KRABD5: variants seen among roughly 807,000 people sequenced by gnomAD.
The protein encoded by KRABD5 is KRAB domain containing 5.
the KRABD5 span, among the ~76,000 whole-genome samples, chr16:31,752,851 T>C: frequency 3.3e-5 from 5 of 152,324 alleles, no homozygotes; most frequent in East Asian, 5.8e-4. Flanking sequence ...GTGCAAGACC[T>C]TGTCTATAAG....
At chr16:31,714,670 A>G in the KRABD5 span, among the ~76,000 whole-genome samples, 1 of 152,228 alleles carries the variant, frequency 6.6e-6, no homozygotes, top group Non-Finnish European at 1.5e-5. Flanking sequence ...AGGTCATTGA[A>G]GGCCCAGTTA....
the KRABD5 span, among the ~76,000 whole-genome samples, chr16:31,748,529 A>G: frequency 2.0e-5 from 3 of 152,142 alleles, no homozygotes; most frequent in Non-Finnish European, 2.9e-5. Flanking sequence ...TTTTGCATTG[A>G]GTTAGAACAT....
the KRABD5 span, among the ~76,000 whole-genome samples, chr16:31,718,706 T>C: frequency 3.3e-5 from 5 of 152,200 alleles, no homozygotes; most frequent in Admixed American, 1.3e-4. Context: ...GGATCCAGAA[T>C]CTGTGGCTCC....
At chr16:31,743,697 A>C in the KRABD5 span, among the ~76,000 whole-genome samples, 1 of 152,176 alleles carries the variant, frequency 6.6e-6, no homozygotes, top group African/African-American at 2.4e-5. Flanking sequence ...TATTTAATCT[A>C]TAAATTACTT....
chr16:31,715,916 G>A, the KRABD5 span, among the ~76,000 whole-genome samples: 2 of 152,258 alleles, frequency 1.3e-5, no homozygotes, highest in South Asian at 2.1e-4. Flanking sequence ...GTGATTCCAC[G>A]TCTCCTCCCA....
chr16:31,727,047 A>G, the KRABD5 span, among the ~76,000 whole-genome samples: 1 of 152,222 alleles, frequency 6.6e-6, no homozygotes, highest in Non-Finnish European at 1.5e-5. Flanking sequence ...ATGCTATTAT[A>G]AATTGGATTG....
the KRABD5 span, chr16:31,761,448 C>G: frequency 4.6e-5 from 7 of 152,208 alleles, no homozygotes; most frequent in South Asian, 1.0e-3. Context: ...AGTGGTGAAC[C>G]TATACATTGT....
chr16:31,728,698 G>A, the KRABD5 span, among the ~76,000 whole-genome samples: 1 of 152,024 alleles, frequency 6.6e-6, no homozygotes, highest in Non-Finnish European at 1.5e-5. Context: ...AAGACTTACT[G>A]CTTTTTACTT....
chr16:31,746,964 A>G, the KRABD5 span, among the ~76,000 whole-genome samples: 8 of 149,440 alleles, frequency 5.4e-5, no homozygotes, highest in Middle Eastern at 3.5e-3. Flanking sequence ...TCTCAGCTCC[A>G]TCAGGTCATT....
At chr16:31,740,632 A>AT in the KRABD5 span, among the ~76,000 whole-genome samples, 97,147 of 146,570 alleles carry the variant, frequency 0.66, 32,341 homozygotes, top group Middle Eastern at 0.73. Context: ...TGCGTCTAAG[A>AT]TTTTTTTTTT....
At chr16:31,722,516 A>G in the KRABD5 span, 1 of 1,200,444 alleles carries the variant, frequency 8.3e-7, no homozygotes, top group East Asian at 2.4e-5. Context: ...ATTTCAGGTC[A>G]CTCATATAAA....
At chr16:31,728,831 T>C in the KRABD5 span, among the ~76,000 whole-genome samples, 3 of 152,218 alleles carry the variant, frequency 2.0e-5, no homozygotes, top group Admixed American at 1.3e-4. Context: ...AGTGCACTGC[T>C]TTCTTAATTT....
At chr16:31,725,361 G>T in the KRABD5 span, among the ~76,000 whole-genome samples, 1 of 152,160 alleles carries the variant, frequency 6.6e-6, no homozygotes, top group Non-Finnish European at 1.5e-5. Flanking sequence ...CAAGTGATCC[G>T]CACACCTCGT....
chr16:31,724,227 T>G, the KRABD5 span, among the ~76,000 whole-genome samples: 4 of 152,132 alleles, frequency 2.6e-5, no homozygotes, highest in African/African-American at 7.2e-5. Context: ...CTTCCTTCTT[T>G]CATGTGGATT....
the KRABD5 span, chr16:31,756,985 T>C: frequency 6.6e-6 from 1 of 152,176 alleles, no homozygotes; most frequent in South Asian, 2.1e-4. Flanking sequence ...AAAGCTAAAT[T>C]AGCTTTTCAT....
chr16:31,726,237 T>C, the KRABD5 span, among the ~76,000 whole-genome samples: 1 of 152,350 alleles, frequency 6.6e-6, no homozygotes, highest in South Asian at 2.1e-4. Context: ...AGACCATCCT[T>C]TTCCCTTTGT....
At chr16:31,757,995 T>G in the KRABD5 span, 1 of 152,176 alleles carries the variant, frequency 6.6e-6, no homozygotes, top group South Asian at 2.1e-4. Context: ...GATTCAGAGA[T>G]AGATAATGTT....
chr16:31,741,181 A>G, the KRABD5 span, among the ~76,000 whole-genome samples: 5 of 152,142 alleles, frequency 3.3e-5, no homozygotes, highest in Non-Finnish European at 7.4e-5. Context: ...CACGGTGTAT[A>G]TGTACCACAT....
the KRABD5 span, among the ~76,000 whole-genome samples, chr16:31,722,289 A>G: frequency 0.13 from 19,400 of 151,990 alleles, 1,589 homozygotes; most frequent in South Asian, 0.32. Context: ...TGGCCAGGCT[A>G]GTCTCGAACT....
Sources: gnomAD v4.1 joint callset for allele counts (sites outside exome capture counted in the v4.1 genomes callset) on GRCh38, gnomAD v4.1.1 for gene constraint, MANE v1.5 for transcripts, NCBI Gene and HGNC (gene_info 2026-07-23, HGNC 2026-07-21) for gene names.